The following SH3D19 variants were observed in gnomAD, a reference collection of about 807,000 sequenced individuals.
SH3D19 encodes the protein SH3 domain-containing protein 19.
SH3D19 carries 58 observed loss-of-function variants against 112.1 expected under a neutral mutation model. The observed-to-expected ratio is 0.52, with a 90% confidence interval of 0.42 to 0.64. The LOEUF is 0.64. SH3D19 is among the 30% of genes least tolerant of loss of function. SH3D19 has a pLI of 0.00. For missense variants in SH3D19, 1,090 were observed against 1,263.4 expected, an observed-to-expected ratio of 0.86 and a Z score of 2.08; for synonymous variants, 391 against 448.5, an observed-to-expected ratio of 0.87 and a Z score of 1.62.
chr4:151,244,483 A>G (rs1041560593), intron 1 of SH3D19, among the ~76,000 whole-genome samples: 5 of 152,250 alleles, frequency 3.3e-5, no homozygotes, highest in Non-Finnish European at 7.3e-5. Context: ...GAGGATCACA[A>G]AAGAATGACT....
chr4:151,325,191 C>A, intron 1 of SH3D19, 50 bp downstream of exon 1: 3 of 1,070,360 alleles, frequency 2.8e-6, no homozygotes, highest in Non-Finnish European at 3.5e-6. Flanking sequence ...CGAGCGGCCC[C>A]AGAGCGCGCA....
In SH3D19 at chr4:151,161,500, T is replaced by G. The variant is rs1002180651; in HGVS notation, c.1643-2148A>C. On this transcript the variant is annotated intron_variant, in intron 8 of 19. Transcript: ENST00000604030. ...TCTCCTACATTTGGCAGTATAGAAT[T>G]CAACTTACTTTTTTTCTTTGAAGAG... Among the ~76,000 whole-genome samples, 5 of 152,150 alleles carry G rather than the reference T, an allele frequency of 3.3e-5. No individual in the cohort carries two copies. The East Asian group carries it at 9.6e-4, about 29-fold the overall frequency.
At chr4:151,122,598 C>T (rs1051380986) in intron 19 of SH3D19, among the ~76,000 whole-genome samples, 5 of 151,986 alleles carry the variant, frequency 3.3e-5, no homozygotes, top group African/African-American at 1.2e-4. Context: ...TTAATATTCC[C>T]TCATTCTACA....
chr4:151,150,777 T>C (rs577749434), intron 9 of SH3D19, among the ~76,000 whole-genome samples: 1 of 152,218 alleles, frequency 6.6e-6, no homozygotes, highest in South Asian at 2.1e-4. Flanking sequence ...GGAAGATTTC[T>C]GTAGGGGAAG....
intron 2 of SH3D19, among the ~76,000 whole-genome samples, chr4:151,200,600 G>T (rs1481194246): frequency 6.6e-6 from 1 of 152,082 alleles, no homozygotes; most frequent in African/African-American, 2.4e-5. Flanking sequence ...CACAAAACTG[G>T]CAAATTAGGG....
chr4:151,161,026 T>C (rs951429407), intron 8 of SH3D19, among the ~76,000 whole-genome samples: 1 of 152,196 alleles, frequency 6.6e-6, no homozygotes, highest in Non-Finnish European at 1.5e-5. Flanking sequence ...TTTAAGAGTA[T>C]AAGCCAGTAA....
At position 151,128,197 on chromosome 4, in the gene SH3D19, G is replaced by A; in HGVS notation, c.2902C>T (p.Pro968Ser). 1.2e-6 allele frequency: 2 copies of A among 1,611,134 alleles called. No homozygotes were observed. Among genetic ancestry groups the A allele is most frequent in the Non-Finnish European group, 1.7e-6 (2 of 1,178,672 alleles). The change falls in exon 18 of 20, where the codon CCA becomes TCA. Residue 968 changes from proline to serine, a missense_variant. Physicochemically the swap from Pro to Ser is moderately conservative, Grantham distance 74. Coordinates refer to ENST00000604030, the MANE Select transcript of SH3D19 (RefSeq NM_001378122.1). ...GGGCAGGGCCTCACAAACACTGCTG[G>A]GAAGATCCCCTCCCTGTCCTGCAGT... ...GRLQDREGIF[P>S]AVFVRPCPAE...
intron 2 of SH3D19, among the ~76,000 whole-genome samples, chr4:151,191,378 A>G (rs1762603955): frequency 6.6e-6 from 1 of 152,160 alleles, no homozygotes; most frequent in Admixed American, 6.5e-5. Flanking sequence ...GGGAGGGGCC[A>G]GGGGTGAAAT....
At chr4:151,130,776 C>A (rs999684289) in intron 17 of SH3D19, among the ~76,000 whole-genome samples, 22 of 152,144 alleles carry the variant, frequency 1.4e-4, no homozygotes, top group Non-Finnish European at 2.5e-4. Flanking sequence ...CCCGTTTCTG[C>A]TAAAACTACA....
At chr4:151,242,999 A>G (rs1770676019) in intron 1 of SH3D19, among the ~76,000 whole-genome samples, 1 of 152,224 alleles carries the variant, frequency 6.6e-6, no homozygotes, top group Non-Finnish European at 1.5e-5. Flanking sequence ...AAATTTCCCA[A>G]TAACAACTCC....
At chr4:151,166,720 T>C (rs2149809505) in intron 7 of SH3D19, among the ~76,000 whole-genome samples, 1 of 152,338 alleles carries the variant, frequency 6.6e-6, no homozygotes, top group East Asian at 1.9e-4. Flanking sequence ...GCTCCTGTGA[T>C]GAACAGCATT....
At chr4:151,314,956 C>A (rs1729848512) in intron 1 of SH3D19, among the ~76,000 whole-genome samples, 1 of 152,150 alleles carries the variant, frequency 6.6e-6, no homozygotes, top group East Asian at 1.9e-4. Flanking sequence ...CTTTAAAGAA[C>A]TTTCCTGGCA....
intron 2 of SH3D19, among the ~76,000 whole-genome samples, chr4:151,214,145 G>A (rs1766486220): frequency 6.6e-6 from 1 of 151,736 alleles, no homozygotes; most frequent in African/African-American, 2.4e-5. Flanking sequence ...TTAACCCTGA[G>A]TGGACACAGC....
At chr4:151,134,519 G>A (rs938885182) in intron 15 of SH3D19, among the ~76,000 whole-genome samples, 2 of 152,256 alleles carry the variant, frequency 1.3e-5, no homozygotes, top group Admixed American at 1.3e-4. Context: ...TATTTCTATA[G>A]GATTTAATTA....
chr4:151,135,571 G>T (rs1301013703), intron 14 of SH3D19, among the ~76,000 whole-genome samples: 1 of 151,806 alleles, frequency 6.6e-6, no homozygotes, highest in Non-Finnish European at 1.5e-5. Flanking sequence ...GGGACTACCG[G>T]TGTGCACCAC....
Position 151,245,000 on chromosome 4 carries a change from C to T in SH3D19, c.113-18914G>A, listed in dbSNP as rs868744851. Among the ~76,000 whole-genome samples the T allele has an allele frequency of 5.9e-5, 9 of 151,946 alleles. 1 individual carries two copies. Among genetic ancestry groups the T allele is most frequent in the South Asian group, 2.1e-4 (1 of 4,808 alleles). ...TCTACTAAAAATACAAAAAATTAGC[C>T]GGGTGTGGTGGCACACACCTGTAGT... On this transcript the variant is annotated intron_variant, in intron 1 of 19. Transcript: ENST00000604030.
At chr4:151,198,932 TG>T (rs1450845791) in intron 2 of SH3D19, among the ~76,000 whole-genome samples, 1 of 151,920 alleles carries the variant, frequency 6.6e-6, no homozygotes, top group East Asian at 1.9e-4. Context: ...ACTTCAGCAG[TG>T]GGTAGGCACG....
In SH3D19 at chr4:151,138,424, A is replaced by G. The variant is rs182933219; in HGVS notation, c.2297-562T>C. Among the ~76,000 whole-genome samples, 130 of 152,178 alleles carry G rather than the reference A, an allele frequency of 8.5e-4. No homozygotes were observed. In the East Asian group the frequency reaches 0.023, roughly 27 times the overall value. On this transcript the variant is annotated intron_variant, in intron 13 of 19. Transcript: ENST00000604030. Reference sequence around the variant, plus strand: ...AAAAGTACTTATATTGTGCGTGGGCATGGGTGGCTCATGCCTGTTATCTCA... The same window carrying G: ...AAAAGTACTTATATTGTGCGTGGGCGTGGGTGGCTCATGCCTGTTATCTCA...
At chr4:151,212,541 T>A (rs1238277843) in intron 2 of SH3D19, among the ~76,000 whole-genome samples, 8 of 152,194 alleles carry the variant, frequency 5.3e-5, no homozygotes, top group Non-Finnish European at 1.2e-4. Context: ...AGCATATCTG[T>A]TTACAGCATG....
Sources: allele counts gnomAD v4.1 joint callset (sites outside exome capture counted in the v4.1 genomes callset), GRCh38; gene constraint gnomAD v4.1.1; transcripts MANE v1.5; gene names NCBI Gene and HGNC (gene_info 2026-07-23, HGNC 2026-07-21).